SGCD: variants seen among roughly 807,000 people sequenced by gnomAD.
The protein encoded by SGCD is delta-sarcoglycan.
A neutral mutation model predicts 36.6 loss-of-function variants in SGCD; 18 were observed. The ratio of observed to expected loss-of-function variants is 0.49; its 90% CI spans 0.34 to 0.73. The LOEUF is 0.73. Ranked by LOEUF, SGCD falls within the 30% of genes least tolerant of loss-of-function variation. The pLI, the probability that SGCD is intolerant of heterozygous loss-of-function variation, is 0.01. For missense variants in SGCD, 387 were observed against 346.7 expected, an observed-to-expected ratio of 1.12 and a Z score of -0.92; for synonymous variants, 133 against 130.6, an observed-to-expected ratio of 1.02 and a Z score of -0.12.
chr5:156,591,726 T>G (rs1331168031), intron 5 of SGCD, among the ~76,000 whole-genome samples: 1 of 152,136 alleles, frequency 6.6e-6, no homozygotes, highest in Non-Finnish European at 1.5e-5. Context: ...TTAGGAATAG[T>G]GGTTTTTTTC....
intron 7 of SGCD, among the ~76,000 whole-genome samples, chr5:156,661,785 T>C (rs1763939487): frequency 1.3e-5 from 2 of 151,996 alleles, no homozygotes; most frequent in South Asian, 4.1e-4. Context: ...TCTAACTTGT[T>C]CCTTGGTTAA....
At chr5:156,441,746 T>G (rs1188991531) in intron 3 of SGCD, among the ~76,000 whole-genome samples, 3 of 152,154 alleles carry the variant, frequency 2.0e-5, no homozygotes, top group Non-Finnish European at 2.9e-5. Context: ...CCTAGAAATG[T>G]GTGTGGAATC....
intron 6 of SGCD, among the ~76,000 whole-genome samples, chr5:156,604,766 T>C (rs1452030769): frequency 2.0e-5 from 3 of 148,456 alleles, no homozygotes; most frequent in Admixed American, 1.4e-4. Context: ...TATATGTATA[T>C]ATACATATAT....
intron 3 of SGCD, among the ~76,000 whole-genome samples, chr5:156,235,864 T>C (rs1561577801): frequency 6.6e-6 from 1 of 152,192 alleles, no homozygotes; most frequent in Non-Finnish European, 1.5e-5. Flanking sequence ...CCTCTTATAA[T>C]GGAAATTGGG....
At chr5:155,842,619 A>T in the SGCD span, among the ~76,000 whole-genome samples, 6 of 152,100 alleles carry the variant, frequency 3.9e-5, no homozygotes, top group Non-Finnish European at 8.8e-5. Context: ...TGAGCTCAAA[A>T]GTTCAAAAGA....
chr5:156,471,227 T>G (rs2127827902), intron 3 of SGCD, among the ~76,000 whole-genome samples: 1 of 152,320 alleles, frequency 6.6e-6, no homozygotes, highest in East Asian at 1.9e-4. Flanking sequence ...TTTAAGATAC[T>G]TCTCATCACA....
intron 3 of SGCD, among the ~76,000 whole-genome samples, chr5:156,463,379 A>G (rs997071489): frequency 1.3e-5 from 2 of 152,088 alleles, no homozygotes; most frequent in Non-Finnish European, 2.9e-5. Flanking sequence ...ACTTTTCCCA[A>G]AGAAATCCCT....
At chr5:156,281,077 ACTAT>A (rs1302977538) in intron 3 of SGCD, among the ~76,000 whole-genome samples, 1 of 152,204 alleles carries the variant, frequency 6.6e-6, no homozygotes, top group Non-Finnish European at 1.5e-5. Flanking sequence ...AATTCGAGGG[ACTAT>A]CTAAGTGATG....
chr5:156,135,159 G>T (rs963095043), intron 3 of SGCD, among the ~76,000 whole-genome samples: 2 of 152,028 alleles, frequency 1.3e-5, no homozygotes, highest in Non-Finnish European at 2.9e-5. Context: ...TTTAAAATAG[G>T]TCATTTTCTC....
intron 1 of SGCD, among the ~76,000 whole-genome samples, chr5:155,923,160 G>A (rs543439642): frequency 9.0e-4 from 137 of 151,786 alleles, no homozygotes; most frequent in Non-Finnish European, 1.5e-3. Context: ...AAAATATGAA[G>A]AGATTTACAT....
At chr5:156,074,719 A>G (rs1209271723) in intron 1 of SGCD, among the ~76,000 whole-genome samples, 1 of 152,132 alleles carries the variant, frequency 6.6e-6, no homozygotes, top group African/African-American at 2.4e-5. Context: ...TTAAAAGGGG[A>G]ATTTATCTGA....
At chr5:156,274,864 T>C (rs989740376) in intron 3 of SGCD, among the ~76,000 whole-genome samples, 11 of 152,130 alleles carry the variant, frequency 7.2e-5, no homozygotes, top group Non-Finnish European at 1.5e-4. Flanking sequence ...CTGGGGTCCC[T>C]CAGTCTGCAA....
intron 1 of SGCD, among the ~76,000 whole-genome samples, chr5:155,932,569 G>A (rs1561654222): frequency 1.3e-5 from 2 of 152,138 alleles, no homozygotes; most frequent in South Asian, 2.1e-4. Context: ...AACATAACTG[G>A]TTTTTGGAGC....
At chr5:156,670,514 T>A (rs759251358) in intron 7 of SGCD, among the ~76,000 whole-genome samples, 10 of 152,200 alleles carry the variant, frequency 6.6e-5, no homozygotes, top group African/African-American at 9.6e-5. Flanking sequence ...AAATCTTGCT[T>A]AATTACCCCT....
At chr5:156,672,302 G>A (rs888226529) in intron 7 of SGCD, among the ~76,000 whole-genome samples, 2 of 152,124 alleles carry the variant, frequency 1.3e-5, no homozygotes, top group South Asian at 2.1e-4. Flanking sequence ...AGCTGTCCTG[G>A]TATCACAGAT....
chr5:155,846,738 T>C, the SGCD span, among the ~76,000 whole-genome samples: 1 of 152,206 alleles, frequency 6.6e-6, no homozygotes, highest in African/African-American at 2.4e-5. Flanking sequence ...TAACACAAAG[T>C]AAAGAAATAA....
At chr5:155,909,816 C>T (rs936109961) in intron 1 of SGCD, among the ~76,000 whole-genome samples, 8 of 151,824 alleles carry the variant, frequency 5.3e-5, no homozygotes, top group Non-Finnish European at 1.0e-4. Flanking sequence ...CAGATGAAGA[C>T]CAATTTTTTT....
intron 1 of SGCD, among the ~76,000 whole-genome samples, chr5:156,103,074 TA>T (rs1761558951): frequency 1.3e-5 from 2 of 152,206 alleles, no homozygotes; most frequent in South Asian, 4.1e-4. Flanking sequence ...ATGCAATTCT[TA>T]ACAGTAATCA....
intron 3 of SGCD, among the ~76,000 whole-genome samples, chr5:156,186,496 A>G (rs1420639207): frequency 6.6e-6 from 1 of 152,186 alleles, no homozygotes; most frequent in East Asian, 1.9e-4. Context: ...TAGCTAAAGA[A>G]AGCATCTATG....
Sources: allele counts gnomAD v4.1 joint callset (sites outside exome capture counted in the v4.1 genomes callset), GRCh38; gene constraint gnomAD v4.1.1; transcripts MANE v1.5; gene names NCBI Gene and HGNC (gene_info 2026-07-23, HGNC 2026-07-21).